The following JAK2 variants were observed in gnomAD, a reference collection of about 807,000 sequenced individuals.
The protein encoded by JAK2 is Janus kinase 2.
In JAK2, 86 loss-of-function variants were observed where a neutral mutation model predicts 139.3. The ratio of observed to expected loss-of-function variants is 0.62; its 90% CI spans 0.52 to 0.74. The LOEUF is 0.74. JAK2 is among the 30% of genes least tolerant of loss of function. The pLI is 0.00. For synonymous variants in JAK2, 490 were observed against 437.7 expected (o/e 1.12, Z -1.49); for missense variants, 1,421 against 1,360.3 (o/e 1.04, Z -0.70).
At chr9:5,111,866 G>A (rs1564015696) in intron 22 of JAK2, 1 of 383,284 alleles carries the variant, frequency 2.6e-6, no homozygotes, top group South Asian at 2.0e-5. Flanking sequence ...CTGGGCTCCC[G>A]AGGGACCACA....
At chr9:5,061,080 C>A (rs1385570174) in intron 8 of JAK2, among the ~76,000 whole-genome samples, 28 of 152,188 alleles carry the variant, frequency 1.8e-4, no homozygotes. Flanking sequence ...TTAAAATAGT[C>A]AGTAAACCAT....
At chr9:5,042,132 T>C (rs1003205952) in intron 4 of JAK2, among the ~76,000 whole-genome samples, 11 of 131,868 alleles carry the variant, frequency 8.3e-5, no homozygotes, top group African/African-American at 2.4e-4. Flanking sequence ...TTCTTTTTTT[T>C]TTTTTTTTTT....
In JAK2 at chr9:5,127,157, T is replaced by C. The variant is rs1824051853; in HGVS notation, c.*366T>C. The stretch of plus-strand genomic sequence containing the variant: ...GTTAAAGATGCACAGAATATGTATG[T>C]ATAGTTTTTACCACAGTGGATGTAT... On this transcript the variant is annotated 3_prime_UTR_variant, in exon 25 of 25. Transcript: ENST00000381652. 1 of 247,216 alleles carries C rather than the reference T, an allele frequency of 4.0e-6. No homozygotes were observed. Among genetic ancestry groups the C allele is most frequent in the African/African-American group, 2.2e-5 (1 of 45,390 alleles). The allele number at this position is 247,216 out of a possible 1,614,324, so 15.3% of individuals were successfully genotyped here. A position where few individuals can be genotyped will look rare whatever the true frequency, so the allele number is the denominator to read the frequency against.
intron 3 of JAK2, among the ~76,000 whole-genome samples, chr9:5,023,812 A>AT (rs770192436): frequency 1.3e-5 from 2 of 152,064 alleles, no homozygotes; most frequent in Non-Finnish European, 2.9e-5. Flanking sequence ...TCTTGACTAT[A>AT]TTGTAAAGTC....
chr9:5,071,796 T>G (rs1423235971), intron 12 of JAK2, among the ~76,000 whole-genome samples: 1 of 152,190 alleles, frequency 6.6e-6, no homozygotes, highest in Non-Finnish European at 1.5e-5. Flanking sequence ...GTAACTTGAC[T>G]AACATTACAA....
intron 22 of JAK2, chr9:5,097,128 T>G (rs903332989): frequency 1.1e-4 from 16 of 152,170 alleles, no homozygotes; most frequent in African/African-American, 3.6e-4. Flanking sequence ...TGGCAGGTAT[T>G]CTATTTTAGG....
At chr9:5,003,338 G>C (rs4372063) in intron 2 of JAK2, among the ~76,000 whole-genome samples, 2 of 151,732 alleles carry the variant, frequency 1.3e-5, no homozygotes, top group Non-Finnish European at 3.0e-5. Flanking sequence ...GAGTTTTTCT[G>C]TATTCTTATA....
At position 5,062,500 on chromosome 9, in the gene JAK2, T is replaced by TAAAA. The variant is rs58424625; in HGVS notation, c.1057-2355_1057-2352dup. Among the ~76,000 whole-genome samples the TAAAA allele has an allele frequency of 2.3e-3, 136 of 58,214 alleles. 16 individuals carry two copies. The highest frequency in any genetic ancestry group is 0.011 in the African/African-American group (109 of 9,582). 38.2% of individuals were successfully genotyped at this position (58,214 alleles called of 152,430 possible). A position where few individuals can be genotyped will look rare whatever the true frequency, so the allele number is the denominator to read the frequency against. On this transcript the variant is annotated intron_variant, in intron 8 of 24. Coordinates refer to ENST00000381652, the MANE Select transcript of JAK2 (RefSeq NM_004972.4). Reference sequence around the variant, plus strand: ...AAGTTTGTCAGAAACCTTCCATTTGTAAAAAAAAAAAAAAAAAAAAAAAAA... The same window carrying TAAAA: ...AAGTTTGTCAGAAACCTTCCATTTGTAAAAAAAAAAAAAAAAAAAAAAAAAAAAA...
intron 19 of JAK2, among the ~76,000 whole-genome samples, chr9:5,082,278 G>T (rs1819757226): frequency 6.6e-6 from 1 of 152,124 alleles, no homozygotes; most frequent in Non-Finnish European, 1.5e-5. Flanking sequence ...GTGGGGAGAA[G>T]GTCAGCAAGA....
chr9:4,992,988 G>A (rs980980868), intron 2 of JAK2, among the ~76,000 whole-genome samples: 5 of 152,064 alleles, frequency 3.3e-5, no homozygotes, highest in African/African-American at 1.2e-4. Flanking sequence ...CATATAAATT[G>A]CTTTGTATTT....
intron 13 of JAK2, among the ~76,000 whole-genome samples, chr9:5,073,106 C>A (rs763641382): frequency 4.6e-5 from 7 of 152,170 alleles, no homozygotes; most frequent in Admixed American, 3.9e-4. Flanking sequence ...ATGATACTTA[C>A]AATATCTTAA....
At chr9:5,068,680 G>A (rs996514393) in intron 10 of JAK2, among the ~76,000 whole-genome samples, 2 of 152,146 alleles carry the variant, frequency 1.3e-5, no homozygotes, top group African/African-American at 4.8e-5. Flanking sequence ...GGAGATGGAG[G>A]CAGAAACCAG....
intron 3 of JAK2, 136 bp downstream of exon 3, chr9:5,022,349 C>T (rs929324978): frequency 3.4e-6 from 2 of 582,952 alleles, no homozygotes; most frequent in African/African-American, 3.8e-5. Flanking sequence ...TTTTCACATG[C>T]ATAGAAAATG....
At chr9:5,103,153 T>TCATGTGCA (rs925295742) in intron 22 of JAK2, among the ~76,000 whole-genome samples, 3 of 130,214 alleles carry the variant, frequency 2.3e-5, no homozygotes, top group Admixed American at 1.8e-4. Context: ...GAGACCAATC[T>TCATGTGCA]CATGTGCAGA....
intron 3 of JAK2, among the ~76,000 whole-genome samples, chr9:5,025,801 G>C (rs1299722785): frequency 6.6e-6 from 1 of 152,124 alleles, no homozygotes; most frequent in Non-Finnish European, 1.5e-5. Context: ...CAAAGTGTGT[G>C]AGCCACTGCA....
At position 5,044,547 on chromosome 9, in the gene JAK2, A is replaced by G. The variant is rs1426946130; in HGVS notation, c.468+27A>G. On this transcript the variant is annotated intron_variant, in intron 5 of 24. Transcript: ENST00000381652. ...TATGATTATATTATCTTACTTGTAC[A>G]TGAGTTAAATGATAAATATCTTGCT... The G allele has an allele frequency of 5.5e-6, 7 of 1,273,516 alleles. No individual in the cohort carries two copies. The South Asian group carries it at 6.6e-5, about 12-fold the overall frequency. 78.9% of individuals were successfully genotyped at this position (1,273,516 alleles called of 1,614,324 possible).
chr9:5,042,124 CTT>C (rs71326152), intron 4 of JAK2, among the ~76,000 whole-genome samples: 1 of 107,612 alleles, frequency 9.3e-6, no homozygotes, highest in African/African-American at 3.8e-5. Flanking sequence ...GCCAAAATTT[CTT>C]TTTTTTTTTT....
chr9:5,029,356 T>C (rs1189926534), intron 3 of JAK2, among the ~76,000 whole-genome samples: 1 of 152,198 alleles, frequency 6.6e-6, no homozygotes, highest in African/African-American at 2.4e-5. Context: ...ATTACAATTG[T>C]AATGTCAAAG....
chr9:5,085,361 A>G lies in JAK2; in HGVS notation c.2571+3500A>G, dbSNP rs918404814. ...ATTCCTACATTTTTTCCGTACTGAT[A>G]GGTGATCTCATGCACCACTGGGTCG... On this transcript the variant is annotated intron_variant, in intron 19 of 24. Transcript: ENST00000381652. 13 of 901,832 alleles carry G rather than the reference A, an allele frequency of 1.4e-5. No homozygotes were observed. The African/African-American group carries it at 2.0e-4, about 14-fold the overall frequency. The allele number at this position is 901,832 out of a possible 1,614,324, so 55.9% of individuals were successfully genotyped here.
Sources: gnomAD v4.1 joint callset for allele counts (sites outside exome capture counted in the v4.1 genomes callset) on GRCh38, gnomAD v4.1.1 for gene constraint, MANE v1.5 for transcripts, NCBI Gene and HGNC (gene_info 2026-07-23, HGNC 2026-07-21) for gene names.